The following TGFBI variants were observed in gnomAD, a reference collection of about 807,000 sequenced individuals.
TGFBI encodes the protein transforming growth factor beta induced, also known as transforming growth factor-beta-induced protein ig-h3.
In TGFBI, 50 loss-of-function variants were observed where a neutral mutation model predicts 73.7. The ratio of observed to expected loss-of-function variants is 0.68; its 90% CI spans 0.54 to 0.86. TGFBI has a LOEUF of 0.86. Among genes scored for constraint, TGFBI ranks in the 40% least tolerant of loss-of-function variants. The pLI is 0.00. For synonymous variants in TGFBI, 362 were observed against 360.5 expected (o/e 1.00, Z -0.05); for missense variants, 839 against 877.0 (o/e 0.96, Z 0.55).
intron 3 of TGFBI, 24 bp downstream of exon 3, chr5:136,044,146 C>A: frequency 6.2e-7 from 1 of 1,604,350 alleles, no homozygotes; most frequent in Non-Finnish European, 8.5e-7. Flanking sequence ...CCGGGCCTTG[C>A]CTGTTGGTGT....
chr5:136,039,661 C>T (rs943058355), intron 2 of TGFBI, among the ~76,000 whole-genome samples: 10 of 152,216 alleles, frequency 6.6e-5, no homozygotes, highest in African/African-American at 1.9e-4. Context: ...CCAAAATGCC[C>T]TCACATGCTG....
At position 136,029,054 on chromosome 5, in the gene TGFBI, C is replaced by T. The variant is rs1380316752; in HGVS notation, c.-2C>T. 2.6e-6 allele frequency: 4 copies of T among 1,527,314 alleles called. No homozygotes were observed. Among genetic ancestry groups the T allele is most frequent in the South Asian group, 1.2e-5 (1 of 83,242 alleles). 94.6% of individuals were successfully genotyped at this position (1,527,314 alleles called of 1,614,324 possible). On this transcript the variant is annotated 5_prime_UTR_variant, in exon 1 of 17. Coordinates refer to ENST00000442011, the MANE Select transcript of TGFBI (RefSeq NM_000358.3). ...CTCGCTCGGTGCGCGTCGTCCCGCTCCATGGCGCTCTTCGTGCGGCTGCTG... is the reference window on the plus strand; with the variant it reads ...CTCGCTCGGTGCGCGTCGTCCCGCTTCATGGCGCTCTTCGTGCGGCTGCTG...
chr5:136,036,381 T>C (rs1305295108), intron 2 of TGFBI, among the ~76,000 whole-genome samples: 1 of 152,180 alleles, frequency 6.6e-6, no homozygotes, highest in East Asian at 1.9e-4. Context: ...AAAATGAAGA[T>C]AGAAAAATAT....
At chr5:136,034,596 C>A (rs981736392) in intron 2 of TGFBI, among the ~76,000 whole-genome samples, 8 of 151,804 alleles carry the variant, frequency 5.3e-5, no homozygotes, top group Non-Finnish European at 1.0e-4. Flanking sequence ...GTAAGAGTGC[C>A]AACGGGGTGT....
intron 6 of TGFBI, 151 bp downstream of exon 6, chr5:136,047,571 T>C (rs1751454191): frequency 1.1e-6 from 1 of 886,872 alleles, no homozygotes; most frequent in African/African-American, 1.7e-5. Flanking sequence ...ACATGGAGAA[T>C]TCATTGACCA....
chr5:136,041,549 A>G (rs1410028597), intron 2 of TGFBI, among the ~76,000 whole-genome samples: 2 of 152,162 alleles, frequency 1.3e-5, no homozygotes, highest in East Asian at 3.9e-4. Context: ...TGGAAAAAGG[A>G]TTGGACTTGA....
At chr5:136,042,949 C>T (rs1282469169) in intron 2 of TGFBI, among the ~76,000 whole-genome samples, 1 of 152,184 alleles carries the variant, frequency 6.6e-6, no homozygotes. Context: ...GTATTTCTTC[C>T]AGTCGGCCTG....
intron 9 of TGFBI, 133 bp downstream of exon 9, chr5:136,054,213 G>T: frequency 1.6e-6 from 2 of 1,273,246 alleles, no homozygotes; most frequent in Non-Finnish European, 2.2e-6. Context: ...ACCAAAAGCA[G>T]ATGTGACTTC....
chr5:136,053,315 G>A (rs1006078884), intron 8 of TGFBI, among the ~76,000 whole-genome samples, 196 bp downstream of exon 8: 1 of 152,258 alleles, frequency 6.6e-6, no homozygotes, highest in Non-Finnish European at 1.5e-5. Flanking sequence ...TGCAAGTGCA[G>A]TGGAGAGGCA....
chr5:136,055,443 T>G (rs1751612279), intron 10 of TGFBI: 1 of 395,926 alleles, frequency 2.5e-6, no homozygotes, highest in Non-Finnish European at 4.5e-6. Context: ...ATTCTCATTA[T>G]GGGACCTCTG....
chr5:136,060,452 T>C (rs1014375210), intron 13 of TGFBI, among the ~76,000 whole-genome samples: 1 of 152,230 alleles, frequency 6.6e-6, no homozygotes, highest in African/African-American at 2.4e-5. Context: ...GGCTCATGCC[T>C]GTAATCCCAG....
chr5:136,061,168 C>G (rs1394758154), intron 14 of TGFBI: 4 of 582,346 alleles, frequency 6.9e-6, no homozygotes, highest in Non-Finnish European at 3.1e-6. Flanking sequence ...GCTATATTAG[C>G]TCCCCTCGGA....
At chr5:136,041,227 G>A (rs1751333363) in intron 2 of TGFBI, among the ~76,000 whole-genome samples, 1 of 152,222 alleles carries the variant, frequency 6.6e-6, no homozygotes, top group Non-Finnish European at 1.5e-5. Context: ...GAAGGCAAGA[G>A]GATTAAGAGA....
chr5:136,056,563 T>C lies in TGFBI; in HGVS notation c.1548-102T>C, dbSNP rs1460201523. On this transcript the variant is annotated intron_variant, in intron 11 of 16. Transcript: ENST00000442011. Reference sequence around the variant, plus strand: ...CATTCCAGTGGCCTGGACTCTACTATCCTCAGTGGTGAGGTATTTAAGGAA... The same window carrying C: ...CATTCCAGTGGCCTGGACTCTACTACCCTCAGTGGTGAGGTATTTAAGGAA... The C allele has an allele frequency of 1.2e-5, 18 of 1,502,788 alleles. No homozygotes were observed. The African/African-American group carries it at 2.2e-4, about 18-fold the overall frequency. 93.1% of individuals were successfully genotyped at this position (1,502,788 alleles called of 1,614,324 possible).
chr5:136,030,985 T>C (rs1231394883), intron 1 of TGFBI, among the ~76,000 whole-genome samples: 1 of 152,190 alleles, frequency 6.6e-6, no homozygotes, highest in East Asian at 1.9e-4. Context: ...ACAGGGTTTT[T>C]TTCTTAAATG....
chr5:136,030,693 TG>T (rs2126900898), intron 1 of TGFBI, among the ~76,000 whole-genome samples: 1 of 152,334 alleles, frequency 6.6e-6, no homozygotes, highest in South Asian at 2.1e-4. Context: ...TTATTATCTC[TG>T]CCCACCTCTC....
Position 136,029,050 on chromosome 5 carries a change from C to T in TGFBI, c.-6C>T, listed in dbSNP as rs748267766. The T allele has an allele frequency of 1.6e-5, 24 of 1,525,262 alleles. No individual in the cohort carries two copies. Among genetic ancestry groups the T allele is most frequent in the African/African-American group, 9.9e-5 (7 of 70,882 alleles). 94.5% of individuals were successfully genotyped at this position (1,525,262 alleles called of 1,614,324 possible). A position where few individuals can be genotyped will look rare whatever the true frequency, so the allele number is the denominator to read the frequency against. On this transcript the variant is annotated 5_prime_UTR_variant, in exon 1 of 17. Coordinates refer to ENST00000442011, the MANE Select transcript of TGFBI (RefSeq NM_000358.3). ...CTAGCTCGCTCGGTGCGCGTCGTCC[C>T]GCTCCATGGCGCTCTTCGTGCGGCT...
intron 15 of TGFBI, among the ~76,000 whole-genome samples, chr5:136,061,793 G>T (rs554224645): frequency 6.6e-6 from 1 of 152,206 alleles, no homozygotes; most frequent in African/African-American, 2.4e-5. Context: ...GGGCCAAAGC[G>T]CAGGCTTTCA....
At chr5:136,059,299 CA>C (rs1751706413) in intron 13 of TGFBI, 85 bp downstream of exon 13, 8 of 1,524,480 alleles carry the variant, frequency 5.2e-6, no homozygotes, top group Admixed American at 4.0e-5. Context: ...TGGAATTATA[CA>C]CACACAACCT....
Sources: gnomAD v4.1 joint callset for allele counts (sites outside exome capture counted in the v4.1 genomes callset) on GRCh38, gnomAD v4.1.1 for gene constraint, MANE v1.5 for transcripts, NCBI Gene and HGNC (gene_info 2026-07-23, HGNC 2026-07-21) for gene names.